XPO4: variants seen among roughly 807,000 people sequenced by gnomAD.
XPO4 encodes exportin 4.
A neutral mutation model predicts 143.0 loss-of-function variants in XPO4; 39 were observed. That is an observed-to-expected ratio of 0.27 (90% CI 0.21 to 0.36). The LOEUF (loss-of-function observed/expected upper bound fraction) is 0.36. Ranked by LOEUF, XPO4 falls within the 10% of genes least tolerant of loss-of-function variation. The probability of loss-of-function intolerance (pLI) is 1.00; values close to 1 mark genes in which losing one functional copy is unlikely to be tolerated. For synonymous variants in XPO4, 439 were observed against 474.0 expected, an observed-to-expected ratio of 0.93 and a Z score of 0.96; for missense variants, 907 against 1,348.0, an observed-to-expected ratio of 0.67 and a Z score of 5.12.
chr13:20,814,376 T>C (rs1011484760), intron 9 of XPO4, among the ~76,000 whole-genome samples: 1 of 152,188 alleles, frequency 6.6e-6, no homozygotes, highest in Non-Finnish European at 1.5e-5. Flanking sequence ...CTATTAACAC[T>C]CTGATATTAG....
intron 17 of XPO4, 109 bp from the exon 18 acceptor site, chr13:20,796,365 T>C (rs1290664591): frequency 1.2e-6 from 1 of 822,648 alleles, no homozygotes; most frequent in African/African-American, 1.7e-5. Context: ...GTAGCAATAA[T>C]TCTTGCTTTA....
At chr13:20,852,085 T>A in intron 4 of XPO4, 1 of 985,374 alleles carries the variant, frequency 1.0e-6, no homozygotes, top group East Asian at 1.1e-4. Context: ...AAGCTACTTG[T>A]AGGGGGTGAG....
intron 20 of XPO4, 129 bp from the exon 21 acceptor site, chr13:20,787,727 G>A (rs530348606): frequency 1.3e-5 from 9 of 677,560 alleles, no homozygotes; most frequent in South Asian, 6.1e-5. Flanking sequence ...TAGACTCATG[G>A]GCAATATCTT....
chr13:20,789,292 C>T (rs2059245400), intron 19 of XPO4, among the ~76,000 whole-genome samples: 1 of 152,100 alleles, frequency 6.6e-6, no homozygotes, highest in Non-Finnish European at 1.5e-5. Context: ...TAGAGACGCT[C>T]TCAAGGAGGG....
chr13:20,848,502 A>C (rs992434855), intron 4 of XPO4: 5 of 985,346 alleles, frequency 5.1e-6, no homozygotes, highest in Non-Finnish European at 6.0e-6. Flanking sequence ...ACACCAGGTT[A>C]CAAGAAGGTA....
At chr13:20,853,044 T>A (rs553925432) in intron 4 of XPO4, 1 of 985,270 alleles carries the variant, frequency 1.0e-6, no homozygotes, top group South Asian at 4.7e-5. Flanking sequence ...AAAAATAGCT[T>A]CCCATGGCCA....
chr13:20,808,479 A>G lies in XPO4; in HGVS notation c.1596T>C (p.Leu532=), dbSNP rs774984172. 1.3e-6 allele frequency: 2 copies of G among 1,574,662 alleles called. No homozygotes were observed. The highest frequency in any genetic ancestry group is 1.7e-5 in the Admixed American group (1 of 59,674). The change falls in exon 12 of 23, where the codon CTT becomes CTC. Residue 532 remains leucine (L), a synonymous_variant. Transcript: ENST00000255305. ...AGTGAATATCTTCATAGAGATCATC[A>G]AGCATTTTGTTGTCAACAGTGCTTG... The part of the protein sequence containing the change: ...PGSSTVDNKM[L]DDLYEDIHWL...
chr13:20,854,413 C>T (rs188129895), intron 4 of XPO4, among the ~76,000 whole-genome samples: 260 of 152,276 alleles, frequency 1.7e-3, no homozygotes, highest in Non-Finnish European at 2.7e-3. Flanking sequence ...ACCACAGCAT[C>T]TCAACCTCAA....
intron 4 of XPO4, among the ~76,000 whole-genome samples, chr13:20,846,276 G>A (rs1453914332): frequency 6.6e-6 from 1 of 152,078 alleles, no homozygotes; most frequent in Non-Finnish European, 1.5e-5. Flanking sequence ...ACTCACAAAA[G>A]CTTTACTTTT....
intron 1 of XPO4, among the ~76,000 whole-genome samples, chr13:20,896,657 A>G (rs1041295206): frequency 2.0e-5 from 3 of 152,208 alleles, no homozygotes; most frequent in African/African-American, 7.2e-5. Context: ...CCGAAATGTC[A>G]TATCACCTGC....
intron 9 of XPO4, among the ~76,000 whole-genome samples, chr13:20,817,985 G>A (rs1006237849): frequency 3.3e-5 from 5 of 151,886 alleles, no homozygotes; most frequent in Non-Finnish European, 7.4e-5. Context: ...TAGTAGAGAC[G>A]GAGCTTCGAT....
At chr13:20,861,329 T>TCTGCCACC (rs1173623572) in intron 3 of XPO4, among the ~76,000 whole-genome samples, 1 of 134,584 alleles carries the variant, frequency 7.4e-6, no homozygotes, top group African/African-American at 2.8e-5. Flanking sequence ...GGAGTCCCAC[T>TCTGCCACC]CTGCCACCTA....
At chr13:20,840,947 T>C (rs1475235569) in intron 6 of XPO4, among the ~76,000 whole-genome samples, 1 of 152,240 alleles carries the variant, frequency 6.6e-6, no homozygotes, top group African/African-American at 2.4e-5. Flanking sequence ...TGCTTATCAT[T>C]TTCAGATGAC....
chr13:20,808,973 G>T, intron 11 of XPO4, 110 bp downstream of exon 11: 4 of 1,234,658 alleles, frequency 3.2e-6, no homozygotes, highest in Non-Finnish European at 4.5e-6. Flanking sequence ...GTTCCAGTGT[G>T]CTGGGACACG....
At chr13:20,870,089 C>CAAAAAAAAAAAAAAAA (rs59710121) in intron 1 of XPO4, among the ~76,000 whole-genome samples, 19 of 98,930 alleles carry the variant, frequency 1.9e-4, no homozygotes, top group African/African-American at 8.5e-4. Flanking sequence ...GAAGGAGTCT[C>CAAAAAAAAAAAAAAAA]AAAAAAAAAA....
chr13:20,872,230 CT>C (rs762775311), intron 1 of XPO4, among the ~76,000 whole-genome samples: 1 of 152,162 alleles, frequency 6.6e-6, no homozygotes, highest in Non-Finnish European at 1.5e-5. Context: ...CTTCAACAAT[CT>C]TAAGTTACCC....
Position 20,778,660 on chromosome 13 carries a change from G to A in XPO4, c.*5062C>T, listed in dbSNP as rs1462217333. On this transcript the variant is annotated 3_prime_UTR_variant, in exon 23 of 23. Transcript: ENST00000255305. ...ATATTTCTAATACTGGATATTCTGT[G>A]AGTACCACGGGTTCTCCCAGAAGGT... 3 of 152,106 alleles carry A rather than the reference G, an allele frequency of 2.0e-5. No individual in the cohort carries two copies. The highest frequency in any genetic ancestry group is 7.2e-5 in the African/African-American group (3 of 41,434). The allele number at this position is 152,106 out of a possible 1,614,324, so 9.4% of individuals were successfully genotyped here.
At chr13:20,807,936 C>T (rs1246433112) in intron 12 of XPO4, among the ~76,000 whole-genome samples, 1 of 152,046 alleles carries the variant, frequency 6.6e-6, no homozygotes, top group East Asian at 1.9e-4. Context: ...AATTTTGCTA[C>T]TATCTATATT....
chr13:20,843,747 C>G (rs748642048), intron 5 of XPO4, 23 bp downstream of exon 5: 4 of 1,529,242 alleles, frequency 2.6e-6, no homozygotes, highest in Non-Finnish European at 3.6e-6. Flanking sequence ...ATAATTAAAA[C>G]TCAAGAACAA....
Sources: gnomAD v4.1 joint callset for allele counts (sites outside exome capture counted in the v4.1 genomes callset) on GRCh38, gnomAD v4.1.1 for gene constraint, MANE v1.5 for transcripts, NCBI Gene and HGNC (gene_info 2026-07-23, HGNC 2026-07-21) for gene names.